Variants in LRRC4C observed in about 807,000 individuals in gnomAD.
The protein encoded by LRRC4C is leucine rich repeat containing 4C.
A neutral mutation model predicts 33.6 loss-of-function variants in LRRC4C; 5 were observed. That is an observed-to-expected ratio of 0.15 (90% CI 0.08 to 0.31). The LOEUF (loss-of-function observed/expected upper bound fraction) is 0.31. LRRC4C is among the 10% of genes least tolerant of loss of function. The pLI is 1.00. For synonymous variants in LRRC4C, 329 were observed against 302.0 expected, an observed-to-expected ratio of 1.09 and a Z score of -0.93; for missense variants, 560 against 796.7, an observed-to-expected ratio of 0.70 and a Z score of 3.58.
intron 1 of LRRC4C, among the ~76,000 whole-genome samples, chr11:41,105,438 G>A (rs1941438493): frequency 6.6e-6 from 1 of 151,890 alleles, no homozygotes; most frequent in Admixed American, 6.6e-5. Flanking sequence ...CTTCTGGTCT[G>A]CTCTTTAGTC....
At chr11:40,995,153 C>A (rs531125419) in intron 1 of LRRC4C, among the ~76,000 whole-genome samples, 1 of 152,148 alleles carries the variant, frequency 6.6e-6, no homozygotes, top group Admixed American at 6.6e-5. Flanking sequence ...GTTATATAAG[C>A]AGGTACACTA....
At chr11:40,345,797 G>T (rs1947100499) in intron 3 of LRRC4C, among the ~76,000 whole-genome samples, 1 of 152,050 alleles carries the variant, frequency 6.6e-6, no homozygotes, top group Admixed American at 6.6e-5. Context: ...TGCAAACTAT[G>T]TATTGGACAA....
chr11:41,220,358 A>G (rs1947247844), intron 1 of LRRC4C, among the ~76,000 whole-genome samples: 1 of 152,168 alleles, frequency 6.6e-6, no homozygotes, highest in Non-Finnish European at 1.5e-5. Context: ...CTCTTAAACA[A>G]TATGAAATAC....
At chr11:40,591,222 G>C (rs1959041494) in intron 3 of LRRC4C, among the ~76,000 whole-genome samples, 1 of 152,148 alleles carries the variant, frequency 6.6e-6, no homozygotes, top group Admixed American at 6.5e-5. Context: ...CAGTATTCGG[G>C]TGGGAGCGAC....
At chr11:40,887,609 C>T (rs991203466) in intron 2 of LRRC4C, among the ~76,000 whole-genome samples, 17 of 151,910 alleles carry the variant, frequency 1.1e-4, no homozygotes, top group African/African-American at 4.1e-4. Context: ...ATAGCATAGC[C>T]AGCTTAGATT....
At chr11:41,436,087 C>A (rs1263857727) in intron 1 of LRRC4C, among the ~76,000 whole-genome samples, 1 of 152,054 alleles carries the variant, frequency 6.6e-6, no homozygotes, top group Non-Finnish European at 1.5e-5. Context: ...GCCTGTAATC[C>A]CAGCTACTGG....
intron 2 of LRRC4C, among the ~76,000 whole-genome samples, chr11:40,920,111 T>C (rs193159236): frequency 7.0e-4 from 107 of 152,286 alleles, no homozygotes; most frequent in African/African-American, 2.5e-3. Context: ...GAAAATCTTA[T>C]GTTGAACAAA....
At chr11:40,657,122 A>G (rs1187126698) in intron 2 of LRRC4C, among the ~76,000 whole-genome samples, 2 of 152,192 alleles carry the variant, frequency 1.3e-5, no homozygotes. Context: ...GCCGCGAATG[A>G]ATCATTGTTT....
intron 3 of LRRC4C, among the ~76,000 whole-genome samples, chr11:40,601,518 T>C (rs888531457): frequency 6.6e-6 from 1 of 152,226 alleles, no homozygotes; most frequent in African/African-American, 2.4e-5. Flanking sequence ...AACATAAATC[T>C]GTATTAAAGG....
intron 6 of LRRC4C, among the ~76,000 whole-genome samples, chr11:40,135,776 T>C (rs1226803846): frequency 6.6e-6 from 1 of 152,194 alleles, no homozygotes; most frequent in Non-Finnish European, 1.5e-5. Flanking sequence ...TGGGTGATAA[T>C]AATGCAAGTT....
intron 1 of LRRC4C, among the ~76,000 whole-genome samples, chr11:41,044,767 C>A (rs1857659715): frequency 6.6e-6 from 1 of 152,056 alleles, no homozygotes; most frequent in Non-Finnish European, 1.5e-5. Flanking sequence ...TGAAATTAGT[C>A]ACATAATACA....
intron 2 of LRRC4C, among the ~76,000 whole-genome samples, chr11:40,854,094 G>A (rs1953649797): frequency 6.6e-6 from 1 of 152,214 alleles, no homozygotes; most frequent in Admixed American, 6.5e-5. Context: ...TGCCTCGGCA[G>A]TGGCAGCTTC....
chr11:40,668,014 A>G (rs1412701879), intron 2 of LRRC4C, among the ~76,000 whole-genome samples: 1 of 152,212 alleles, frequency 6.6e-6, no homozygotes. Flanking sequence ...AGTGTGCTTT[A>G]CAATAACTCA....
chr11:41,037,557 T>C (rs975940769), intron 1 of LRRC4C, among the ~76,000 whole-genome samples: 8 of 148,956 alleles, frequency 5.4e-5, no homozygotes, highest in African/African-American at 2.0e-4. Context: ...TGCTGAACTT[T>C]CTTACTTCTT....
chr11:41,224,224 C>T (rs1947428974), intron 1 of LRRC4C, among the ~76,000 whole-genome samples: 1 of 152,192 alleles, frequency 6.6e-6, no homozygotes, highest in Non-Finnish European at 1.5e-5. Flanking sequence ...GTTCTTTTTA[C>T]TGACCAACCT....
intron 2 of LRRC4C, among the ~76,000 whole-genome samples, chr11:40,789,334 A>G (rs370309830): frequency 1.3e-5 from 2 of 152,156 alleles, no homozygotes; most frequent in South Asian, 4.1e-4. Flanking sequence ...CTCTTCATTG[A>G]TAACTAGTCT....
chr11:40,817,843 A>G (rs575606035), intron 2 of LRRC4C, among the ~76,000 whole-genome samples: 1 of 152,236 alleles, frequency 6.6e-6, no homozygotes, highest in Non-Finnish European at 1.5e-5. Context: ...TTATCATAAC[A>G]ATACTTATAA....
At chr11:41,064,305 C>T (rs1372332522) in intron 1 of LRRC4C, among the ~76,000 whole-genome samples, 1 of 152,130 alleles carries the variant, frequency 6.6e-6, no homozygotes, top group Non-Finnish European at 1.5e-5. Context: ...TTTAAAACAC[C>T]TCTTCCTTAT....
chr11:40,665,824 C>T (rs780558595), intron 2 of LRRC4C, among the ~76,000 whole-genome samples: 18 of 151,898 alleles, frequency 1.2e-4, no homozygotes, highest in Non-Finnish European at 2.2e-4. Flanking sequence ...TTAGATTAGC[C>T]AGTCAATTTA....
Sources: allele counts gnomAD v4.1 joint callset (sites outside exome capture counted in the v4.1 genomes callset), GRCh38; gene constraint gnomAD v4.1.1; transcripts MANE v1.5; gene names NCBI Gene and HGNC (gene_info 2026-07-23, HGNC 2026-07-21).